Variants in INVS observed in about 807,000 individuals in gnomAD.
The protein encoded by INVS is inversin, also known as inversion of embryo turning homolog.
A neutral mutation model predicts 108.8 loss-of-function variants in INVS; 86 were observed. The ratio of observed to expected loss-of-function variants is 0.79; its 90% confidence interval spans 0.66 to 0.95. The LOEUF (loss-of-function observed/expected upper bound fraction) is 0.95. Among genes scored for constraint, INVS ranks in the 40% least tolerant of loss-of-function variants. The probability of loss-of-function intolerance (pLI) is 0.00; values close to 1 mark genes in which losing one functional copy is unlikely to be tolerated. For missense variants in INVS, 1,169 were observed against 1,297.4 expected, an observed-to-expected ratio of 0.90 and a Z score of 1.52; for synonymous variants, 455 against 473.5, an observed-to-expected ratio of 0.96 and a Z score of 0.51.
intron 3 of INVS, among the ~76,000 whole-genome samples, chr9:100,199,304 T>A (rs1830471189): frequency 6.6e-6 from 1 of 152,192 alleles, no homozygotes. Flanking sequence ...GCATCTCTTA[T>A]AGACTTTCTT....
chr9:100,193,312 T>TTTTG (rs1830281292), intron 3 of INVS, among the ~76,000 whole-genome samples: 1 of 152,200 alleles, frequency 6.6e-6, no homozygotes, highest in South Asian at 2.1e-4. Context: ...TTTAAATCTC[T>TTTTG]TTTGCACAGA....
intron 3 of INVS, among the ~76,000 whole-genome samples, chr9:100,136,183 A>G (rs1272409212): frequency 6.6e-6 from 1 of 152,210 alleles, no homozygotes. Context: ...CTAGATATAT[A>G]TCACTGTTGA....
At chr9:100,146,189 G>A (rs1828607148) in intron 3 of INVS, among the ~76,000 whole-genome samples, 1 of 152,196 alleles carries the variant, frequency 6.6e-6, no homozygotes, top group Non-Finnish European at 1.5e-5. Flanking sequence ...TCACCTGGGT[G>A]CAGGCGGGCT....
intron 2 of INVS, among the ~76,000 whole-genome samples, chr9:100,116,037 T>C (rs903139923): frequency 1.3e-5 from 2 of 152,166 alleles, no homozygotes; most frequent in African/African-American, 4.8e-5. Context: ...TGCATTTCTC[T>C]GATGGCCAGT....
At chr9:100,252,853 T>C in intron 9 of INVS, 54 bp from the exon 10 acceptor site, 1 of 1,297,300 alleles carries the variant, frequency 7.7e-7, no homozygotes, top group Middle Eastern at 1.8e-4. Context: ...CTCCTACTCA[T>C]TTTAATAAAA....
chr9:100,124,129 A>G (rs1057007648), intron 2 of INVS, among the ~76,000 whole-genome samples: 1 of 151,126 alleles, frequency 6.6e-6, no homozygotes, highest in Non-Finnish European at 1.5e-5. Context: ...TTTTAAATAA[A>G]TCTCTTTGTA....
rs1833813877 is a variant in INVS at position 100,297,118 on chromosome 9, C to G, written c.2988C>G (p.Thr996=). 2 of 1,614,082 alleles carry G rather than the reference C, an allele frequency of 1.2e-6. No homozygotes were observed. The highest frequency in any genetic ancestry group is 4.5e-5 in the East Asian group (2 of 44,860). ...AGGGCACCTCAGGCACAAAGTCCACCAAGCACTCAGTGCTTAAGCAAATCT... is the reference window on the plus strand; with the variant it reads ...AGGGCACCTCAGGCACAAAGTCCACGAAGCACTCAGTGCTTAAGCAAATCT... The part of the protein sequence containing the change: ...PSKGTSGTKS[T]KHSVLKQIYG... The change falls in exon 15 of 17, where the codon ACC becomes ACG. Residue 996 remains threonine, a synonymous_variant. Coordinates refer to ENST00000262457, the MANE Select transcript of INVS (RefSeq NM_014425.5).
chr9:100,235,461 G>C (rs958423002), intron 5 of INVS, among the ~76,000 whole-genome samples: 4 of 152,066 alleles, frequency 2.6e-5, no homozygotes, highest in African/African-American at 9.7e-5. Flanking sequence ...TCATAGTATG[G>C]TTGGTCTTTA....
At chr9:100,233,222 G>A (rs1230835092) in intron 5 of INVS, among the ~76,000 whole-genome samples, 3 of 152,132 alleles carry the variant, frequency 2.0e-5, no homozygotes, top group Non-Finnish European at 4.4e-5. Flanking sequence ...CATTGATTTT[G>A]TATCCTGAGA....
intron 3 of INVS, among the ~76,000 whole-genome samples, chr9:100,184,842 A>C (rs189967886): frequency 6.6e-6 from 1 of 152,202 alleles, no homozygotes; most frequent in Non-Finnish European, 1.5e-5. Context: ...AAGACATTGC[A>C]TGCAGGAAAA....
chr9:100,180,334 C>T (rs1224175824), intron 3 of INVS, among the ~76,000 whole-genome samples: 4 of 118,070 alleles, frequency 3.4e-5, no homozygotes, highest in African/African-American at 7.1e-5. Flanking sequence ...AATCAAGAAT[C>T]CAGGAGCTGG....
At chr9:100,227,483 A>G (rs764222103) in intron 4 of INVS, among the ~76,000 whole-genome samples, 10 of 151,160 alleles carry the variant, frequency 6.6e-5, no homozygotes, top group Non-Finnish European at 1.2e-4. Context: ...CCTAATAGGG[A>G]AGCCAGTCTT....
At chr9:100,198,066 A>G (rs1474791580) in intron 3 of INVS, among the ~76,000 whole-genome samples, 1 of 152,094 alleles carries the variant, frequency 6.6e-6, no homozygotes, top group Non-Finnish European at 1.5e-5. Flanking sequence ...TATCTATATC[A>G]CTGTCAAAAT....
chr9:100,190,383 G>A (rs894170600), intron 3 of INVS, among the ~76,000 whole-genome samples: 6 of 152,084 alleles, frequency 3.9e-5, no homozygotes, highest in African/African-American at 1.4e-4. Context: ...ATATTGAGAT[G>A]TGAAGTACTA....
chr9:100,161,613 AGATGGATGGATGGATG>A (rs553912870), intron 3 of INVS, among the ~76,000 whole-genome samples: 28 of 151,754 alleles, frequency 1.8e-4, no homozygotes, highest in Middle Eastern at 3.4e-3. Flanking sequence ...GTGGCTGGCC[AGATGGATGGATGGATG>A]GATGGATGGA....
chr9:100,211,914 G>A (rs1317876407), intron 3 of INVS, among the ~76,000 whole-genome samples: 8 of 152,176 alleles, frequency 5.3e-5, no homozygotes, highest in Admixed American at 1.3e-4. Flanking sequence ...TAAGATGGCA[G>A]GTTAGTGATG....
Position 100,252,453 on chromosome 9 carries a change from G to C in INVS, c.1234+15G>C. 1 of 1,611,100 alleles carries C rather than the reference G, an allele frequency of 6.2e-7. No individual in the cohort carries two copies. On this transcript the variant is annotated intron_variant, in intron 9 of 16. Transcript: ENST00000262457. ...ACTCATTAAAGGTGGGCTAATAAGA[G>C]TACTCCTAATAAGTCTCTCTTAACA... is the stretch of plus-strand genomic sequence containing the variant.
chr9:100,221,726 T>G (rs992642156), intron 3 of INVS, among the ~76,000 whole-genome samples: 2 of 152,128 alleles, frequency 1.3e-5, no homozygotes, highest in Non-Finnish European at 1.5e-5. Context: ...TAATTCCCCA[T>G]TATCCACGGT....
In INVS at chr9:100,226,329, A is replaced by G; in HGVS notation, c.447+94A>G. The G allele has an allele frequency of 6.3e-6, 6 of 956,762 alleles. No homozygotes were observed. The South Asian group carries it at 8.6e-5, about 14-fold the overall frequency. 59.3% of individuals were successfully genotyped at this position (956,762 alleles called of 1,614,324 possible). A position where few individuals can be genotyped will look rare whatever the true frequency, so the allele number is the denominator to read the frequency against. ...TTCAAGGAAGAAGGCCTGAATTACCACATATATACATGGTAGAACAATTCC... is the reference window on the plus strand; with the variant it reads ...TTCAAGGAAGAAGGCCTGAATTACCGCATATATACATGGTAGAACAATTCC... On this transcript the variant is annotated intron_variant, in intron 4 of 16. Transcript: ENST00000262457.
Sources: allele counts gnomAD v4.1 joint callset (sites outside exome capture counted in the v4.1 genomes callset), GRCh38; gene constraint gnomAD v4.1.1; transcripts MANE v1.5; gene names NCBI Gene and HGNC (gene_info 2026-07-23, HGNC 2026-07-21).